ANO4: variants seen among roughly 807,000 people sequenced by gnomAD.
ANO4 encodes the protein anoctamin-4.
In ANO4, 69 loss-of-function variants were observed where a neutral mutation model predicts 141.9. That is an observed-to-expected ratio of 0.49 (90% confidence interval 0.40 to 0.59). The LOEUF is 0.59. Among genes scored for constraint, ANO4 ranks in the 20% least tolerant of loss-of-function variants. The pLI is 0.00. For synonymous variants in ANO4, 350 were observed against 394.3 expected, an observed-to-expected ratio of 0.89 and a Z score of 1.33; for missense variants, 894 against 1,162.2, an observed-to-expected ratio of 0.77 and a Z score of 3.36.
At chr12:101,071,803 A>C (rs1235987804) in intron 14 of ANO4, among the ~76,000 whole-genome samples, 1 of 152,164 alleles carries the variant, frequency 6.6e-6, no homozygotes, top group Non-Finnish European at 1.5e-5. Context: ...TATCTCATGT[A>C]CCCCATAAAT....
At chr12:100,751,344 A>C (rs1159113269) in intron 3 of ANO4, among the ~76,000 whole-genome samples, 1 of 152,078 alleles carries the variant, frequency 6.6e-6, no homozygotes, top group African/African-American at 2.4e-5. Context: ...CTGACCTAAG[A>C]AAAAGGCCCA....
intron 1 of ANO4, among the ~76,000 whole-genome samples, chr12:100,718,717 C>T (rs2030724343): frequency 6.6e-6 from 1 of 152,062 alleles, no homozygotes. Context: ...TTTTTTCTTT[C>T]CTCCAACCCC....
At chr12:101,079,344 A>C in intron 15 of ANO4, 69 bp downstream of exon 15, 35 of 1,280,596 alleles carry the variant, frequency 2.7e-5, no homozygotes, top group Non-Finnish European at 3.4e-5. Flanking sequence ...CCCCCCCAAA[A>C]TTGTCACTCT....
At chr12:100,737,937 T>C (rs893858100) in intron 2 of ANO4, among the ~76,000 whole-genome samples, 1 of 152,104 alleles carries the variant, frequency 6.6e-6, no homozygotes, top group Non-Finnish European at 1.5e-5. Flanking sequence ...TAGATGAACC[T>C]ATGTCTTGCC....
intron 21 of ANO4, 131 bp from the exon 22 acceptor site, chr12:101,099,447 G>T: frequency 2.5e-6 from 2 of 795,846 alleles, no homozygotes; most frequent in South Asian, 4.1e-5. Flanking sequence ...CTAACCTGAG[G>T]CTTTATTTCT....
intron 22 of ANO4, among the ~76,000 whole-genome samples, chr12:101,105,196 TACAA>T (rs934277009): frequency 6.6e-5 from 10 of 152,162 alleles, no homozygotes; most frequent in African/African-American, 2.2e-4. Context: ...GAGTAAGCTT[TACAA>T]ACACTCTATG....
chr12:100,894,216 A>C (rs569663526), intron 1 of ANO4, among the ~76,000 whole-genome samples: 1 of 152,232 alleles, frequency 6.6e-6, no homozygotes, highest in South Asian at 2.1e-4. Flanking sequence ...TGCTGATGCT[A>C]ATCTGTCAAA....
At chr12:100,738,690 A>C (rs760183894) in intron 2 of ANO4, among the ~76,000 whole-genome samples, 4 of 152,002 alleles carry the variant, frequency 2.6e-5, no homozygotes, top group Non-Finnish European at 2.9e-5. Context: ...TTATATATTT[A>C]ACCGCATATA....
At chr12:101,019,494 T>C (rs1192587033) in intron 8 of ANO4, among the ~76,000 whole-genome samples, 2 of 152,026 alleles carry the variant, frequency 1.3e-5, no homozygotes, top group Non-Finnish European at 2.9e-5. Context: ...AGAAGAAAGA[T>C]CCTATTCACG....
chr12:100,751,659 C>T (rs183508506), intron 3 of ANO4, among the ~76,000 whole-genome samples: 44 of 152,030 alleles, frequency 2.9e-4, no homozygotes, highest in Admixed American at 2.8e-3. Flanking sequence ...CTACTTTGTG[C>T]CCAGTACTAC....
intron 7 of ANO4, among the ~76,000 whole-genome samples, chr12:100,977,644 C>G (rs1018407483): frequency 1.1e-4 from 17 of 152,082 alleles, no homozygotes; most frequent in African/African-American, 3.9e-4. Context: ...CTCTTCATTC[C>G]CACTGCCATT....
chr12:101,072,893 T>C (rs974750410), intron 14 of ANO4, among the ~76,000 whole-genome samples: 8 of 152,186 alleles, frequency 5.3e-5, no homozygotes, highest in Non-Finnish European at 1.0e-4. Context: ...GATATCATCT[T>C]GCACCAGTTA....
chr12:100,982,397 T>C (rs141122775), intron 7 of ANO4, among the ~76,000 whole-genome samples: 1 of 152,326 alleles, frequency 6.6e-6, no homozygotes, highest in African/African-American at 2.4e-5. Flanking sequence ...GGTTAGTTGG[T>C]TTCCAGACTT....
intron 3 of ANO4, among the ~76,000 whole-genome samples, chr12:100,772,132 T>G (rs1208711384): frequency 6.6e-6 from 1 of 152,138 alleles, no homozygotes; most frequent in African/African-American, 2.4e-5. Flanking sequence ...ATAGATATAG[T>G]AGGTGGTGAA....
intron 8 of ANO4, among the ~76,000 whole-genome samples, chr12:100,989,975 AGATGGATGGATGGATGGATGGATG>A (rs58082088): frequency 3.8e-5 from 5 of 131,850 alleles, no homozygotes; most frequent in East Asian, 2.5e-4. Flanking sequence ...ATAGGTCACC[AGATGGATGGATGGATGGATGGATG>A]GATGGATGGA....
At chr12:100,962,731 G>T (rs2043480321) in intron 5 of ANO4, among the ~76,000 whole-genome samples, 1 of 152,138 alleles carries the variant, frequency 6.6e-6, no homozygotes, top group Non-Finnish European at 1.5e-5. Flanking sequence ...ACAACACAGT[G>T]GCTTATTTCT....
At position 101,099,546 on chromosome 12, in the gene ANO4, A is replaced by T. The variant is rs551417221; in HGVS notation, c.2007-32A>T. ...TTACCTAAGTCATATGATCAGTTAC[A>T]TTTTTTGTAAGAAATTGATCTTTTT... On this transcript the variant is annotated intron_variant, in intron 21 of 27. Transcript: ENST00000392977. 21 of 1,568,450 alleles carry T rather than the reference A, an allele frequency of 1.3e-5. No individual in the cohort carries two copies. The South Asian group carries it at 2.3e-4, about 17-fold the overall frequency.
chr12:101,072,707 T>C (rs1020375265), intron 14 of ANO4, among the ~76,000 whole-genome samples: 1 of 151,994 alleles, frequency 6.6e-6, no homozygotes, highest in Non-Finnish European at 1.5e-5. Context: ...AAAGGGCTAA[T>C]ATCCAGAATC....
chr12:100,754,808 G>A (rs1259340716), intron 3 of ANO4, among the ~76,000 whole-genome samples: 2 of 152,100 alleles, frequency 1.3e-5, no homozygotes, highest in African/African-American at 4.8e-5. Flanking sequence ...AGTGAAATAA[G>A]CCAGGCACAA....
Sources: allele counts gnomAD v4.1 joint callset (sites outside exome capture counted in the v4.1 genomes callset), GRCh38; gene constraint gnomAD v4.1.1; transcripts MANE v1.5; gene names NCBI Gene and HGNC (gene_info 2026-07-23, HGNC 2026-07-21).